Variants in TJP2 observed in about 807,000 individuals in gnomAD.
The protein encoded by TJP2 is Friedreich ataxia region gene X104 (tight junction protein ZO-2).
TJP2 carries 91 observed loss-of-function variants against 133.1 expected under a neutral mutation model. The observed-to-expected ratio is 0.68, with a 90% CI of 0.58 to 0.81. TJP2 has a LOEUF of 0.81. Among genes scored for constraint, TJP2 ranks in the 40% least tolerant of loss-of-function variants. TJP2 has a pLI of 0.00. For missense variants in TJP2, 1,541 were observed against 1,565.6 expected (o/e 0.98, Z 0.26); for synonymous variants, 592 against 583.4 (o/e 1.01, Z -0.21).
At chr9:69,196,952 C>G (rs569348908) in intron 1 of TJP2, among the ~76,000 whole-genome samples, 1 of 149,086 alleles carries the variant, frequency 6.7e-6, no homozygotes, top group Non-Finnish European at 1.5e-5. Context: ...TGTGTACACA[C>G]ACACACACAC....
At chr9:69,166,949 T>C (rs1215723823) in intron 2 of TJP2, among the ~76,000 whole-genome samples, 1 of 147,306 alleles carries the variant, frequency 6.8e-6, no homozygotes, top group African/African-American at 2.5e-5. Context: ...ATAAATAAAA[T>C]AGGCTGGGTG....
At chr9:69,175,032 GTCT>G (rs1294309559) in intron 1 of TJP2, among the ~76,000 whole-genome samples, 3 of 149,492 alleles carry the variant, frequency 2.0e-5, no homozygotes, top group Non-Finnish European at 3.0e-5. Context: ...TTCTTTTTAT[GTCT>G]TCATTTGTCA....
chr9:69,171,327 TGCATTCCCACAAAA>T (rs2132912646), upstream of TJP2, among the ~76,000 whole-genome samples: 1 of 152,320 alleles, frequency 6.6e-6, no homozygotes, highest in Non-Finnish European at 1.5e-5. Flanking sequence ...ATCTCTCACC[TGCATTCCCACAAAA>T]ATGCATTTTT....
chr9:69,229,624 G>T (rs537251635), intron 10 of TJP2, among the ~76,000 whole-genome samples: 1 of 152,200 alleles, frequency 6.6e-6, no homozygotes, highest in Non-Finnish European at 1.5e-5. Flanking sequence ...CAGTCCGTGT[G>T]GGGGAGGGAG....
intron 1 of TJP2, among the ~76,000 whole-genome samples, chr9:69,203,607 A>ATTTTTTTTTT (rs754221310): frequency 0.02 from 1,382 of 67,800 alleles, 219 homozygotes; most frequent in East Asian, 0.047. Flanking sequence ...CCCAGCCTGG[A>ATTTTTTTTTT]TTTTTTTTTT....
intron 1 of TJP2, chr9:69,145,897 A>G (rs1488428946): frequency 5.8e-6 from 5 of 858,306 alleles, no homozygotes; most frequent in Admixed American, 8.6e-5. Context: ...TATAGAAAAA[A>G]GGGTCCTCTG....
rs17062695 is a variant in TJP2, at chr9:69,226,102, A to G, written c.1137A>G (p.Leu379=). 0.066 allele frequency: 107,290 copies of G among 1,614,094 alleles called. 4,024 individuals carry two copies. Among genetic ancestry groups the G allele is most frequent in the African/African-American group, 0.15 (10,912 of 74,994 alleles). ...LIEKSRGKLQ[L]VVLRDSQQTL... Reference sequence around the variant, plus strand: ...AAAAGTCAAGAGGAAAACTACAGCTAGTGGTGTTGAGAGACAGCCAGCAGA... The same window carrying G: ...AAAAGTCAAGAGGAAAACTACAGCTGGTGGTGTTGAGAGACAGCCAGCAGA... Residue 379 remains leucine, a synonymous_variant, in exon 7 of 23, where the codon CTA becomes CTG. Coordinates refer to ENST00000377245, the MANE Select transcript of TJP2 (RefSeq NM_004817.4).
chr9:69,236,702 A>G (rs1359183443), intron 13 of TJP2, among the ~76,000 whole-genome samples: 1 of 152,128 alleles, frequency 6.6e-6, no homozygotes, highest in Non-Finnish European at 1.5e-5. Flanking sequence ...GTACCTGCAT[A>G]TCAGAATGGG....
chr9:69,124,016 C>T (rs1187805300), intron 1 of TJP2, among the ~76,000 whole-genome samples: 1 of 73,598 alleles, frequency 1.4e-5, no homozygotes. Flanking sequence ...TATAGGCACC[C>T]GCCACCACGC....
chr9:69,254,710 C>T lies in TJP2; in HGVS notation c.*336C>T, dbSNP rs1056030068. The T allele has an allele frequency of 7.1e-6, 4 of 565,776 alleles. No individual in the cohort carries two copies. The South Asian group carries it at 7.6e-5, about 11-fold the overall frequency. The allele number at this position is 565,776 out of a possible 1,614,324, so 35.0% of individuals were successfully genotyped here. A position where few individuals can be genotyped will look rare whatever the true frequency, so the allele number is the denominator to read the frequency against. ...TATTAAGAAGCAATAACTATTTTTC[C>T]TCATTAATAGCTGCCTTCAAGGACT... On this transcript the variant is annotated 3_prime_UTR_variant, in exon 23 of 23. Transcript: ENST00000377245.
intron 1 of TJP2, among the ~76,000 whole-genome samples, chr9:69,202,916 T>C (rs1363909717): frequency 3.3e-5 from 5 of 152,172 alleles, no homozygotes. Context: ...TTTTAGGTTA[T>C]ATATTCTTCA....
Position 69,249,377 on chromosome 9 carries a change from C to T in TJP2, c.2883C>T (p.Ser961=). 6.2e-7 allele frequency: 1 copy of T among 1,607,886 alleles called. No individual in the cohort carries two copies. The highest frequency in any genetic ancestry group is 8.5e-7 in the Non-Finnish European group (1 of 1,176,712). Residue 961 remains serine (S), a splice_region_variant and synonymous_variant, in exon 20 of 23, where the codon AGC becomes AGT. Transcript: ENST00000377245. The part of the protein sequence containing the change: ...RSSEPVQHEE[S]IRKPSPEPRA... ...GAATGAACCTTTATGTCTTGTAGAGCATAAGGAAACCCAGCCCAGAGCCAC... is the reference window on the plus strand; with the variant it reads ...GAATGAACCTTTATGTCTTGTAGAGTATAAGGAAACCCAGCCCAGAGCCAC...
At position 69,234,398 on chromosome 9, in the gene TJP2, C is replaced by CTT. The variant is rs202100183; in HGVS notation, c.1672-28_1672-27dup. On this transcript the variant is annotated intron_variant, in intron 11 of 22. Coordinates refer to ENST00000377245, the MANE Select transcript of TJP2 (RefSeq NM_004817.4). ...TCTTTCTTTCTTTCTTTCTTTCTTT[C>CTT]TTTTTTTTTTTTTTCTTTTTCTGTT... 8,106 of 981,284 alleles carry CTT rather than the reference C, an allele frequency of 8.3e-3. 46 individuals are homozygous for CTT. The highest frequency in any genetic ancestry group is 0.017 in the Middle Eastern group (60 of 3,460). The allele number at this position is 981,284 out of a possible 1,614,324, so 60.8% of individuals were successfully genotyped here. A position where few individuals can be genotyped will look rare whatever the true frequency, so the allele number is the denominator to read the frequency against.
upstream of TJP2, among the ~76,000 whole-genome samples, chr9:69,171,940 C>CT (rs1450787738): frequency 6.6e-6 from 1 of 151,998 alleles, no homozygotes; most frequent in Non-Finnish European, 1.5e-5. Flanking sequence ...GGACTACAGG[C>CT]GTGCGCCACC....
chr9:69,189,915 G>C lies in TJP2; in HGVS notation c.60+15483G>C, dbSNP rs1826099213. On this transcript the variant is annotated intron_variant, in intron 1 of 22. Transcript: ENST00000377245. ...GAGGTCAGGAGATCGAGATCATCCT[G>C]GCTAACACGGTGAAACCCCGTCTGT... 1.8e-5 allele frequency among the ~76,000 whole-genome samples: 2 copies of C among 110,784 alleles called. 1 individual carries two copies. The highest frequency in any genetic ancestry group is 4.0e-5 in the Non-Finnish European group (2 of 49,420). 72.7% of individuals were successfully genotyped at this position (110,784 alleles called of 152,430 possible). A position where few individuals can be genotyped will look rare whatever the true frequency, so the allele number is the denominator to read the frequency against.
chr9:69,173,668 G>A (rs1047253206), upstream of TJP2, among the ~76,000 whole-genome samples: 4 of 152,214 alleles, frequency 2.6e-5, no homozygotes, highest in Non-Finnish European at 4.4e-5. Flanking sequence ...GTATGTGTTG[G>A]TTAGCCGGGC....
chr9:69,253,933 T>TAAGGAGGGTGAGAC (rs1262698143), intron 22 of TJP2: 1 of 487,500 alleles, frequency 2.1e-6, no homozygotes, highest in African/African-American at 1.9e-5. Context: ...GCCAGGGAGC[T>TAAGGAGGGTGAGAC]TAGGGGTAAG....
Position 69,219,864 on chromosome 9 carries a change from T to C in TJP2, c.343-1023T>C, listed in dbSNP as rs1255599397. Among the ~76,000 whole-genome samples the C allele has an allele frequency of 3.9e-5, 6 of 152,076 alleles. No homozygotes were observed. In the East Asian group the frequency reaches 9.7e-4, roughly 25 times the overall value. ...TGCCCCTCTACCCCACCCCCCACTT[T>C]AAAAATGGCATTGGGCCAGGTTCAG... On this transcript the variant is annotated intron_variant, in intron 4 of 22. Coordinates refer to ENST00000377245, the MANE Select transcript of TJP2 (RefSeq NM_004817.4).
intron 1 of TJP2, among the ~76,000 whole-genome samples, chr9:69,202,713 G>A (rs536998624): frequency 2.6e-5 from 4 of 152,222 alleles, no homozygotes; most frequent in African/African-American, 9.6e-5. Context: ...GTAGGCTGAG[G>A]AAGATGACGG....
Sources: allele counts gnomAD v4.1 joint callset (sites outside exome capture counted in the v4.1 genomes callset), GRCh38; gene constraint gnomAD v4.1.1; transcripts MANE v1.5; gene names NCBI Gene and HGNC (gene_info 2026-07-23, HGNC 2026-07-21).